The following MYT1L variants were observed in gnomAD, a reference collection of about 807,000 sequenced individuals.
The protein encoded by MYT1L is myelin transcription factor 1-like protein.
In MYT1L, 12 loss-of-function variants were observed where a neutral mutation model predicts 126.7. The observed-to-expected ratio is 0.09, with a 90% CI of 0.06 to 0.15. The LOEUF (loss-of-function observed/expected upper bound fraction) is 0.15, where lower values mean the gene tolerates loss of function less well. Ranked by LOEUF, MYT1L falls within the 10% of genes least tolerant of loss-of-function variation. The pLI, the probability that MYT1L is intolerant of heterozygous loss-of-function variation, is 1.00. For synonymous variants in MYT1L, 541 were observed against 604.2 expected (o/e 0.90, Z 1.53); for missense variants, 979 against 1,585.2 (o/e 0.62, Z 6.49).
At chr2:2,287,054 C>G (rs977289701) in intron 1 of MYT1L, among the ~76,000 whole-genome samples, 1 of 152,048 alleles carries the variant, frequency 6.6e-6, no homozygotes, top group Non-Finnish European at 1.5e-5. Flanking sequence ...GTCGGGAGTT[C>G]GAGACCAGTC....
intron 18 of MYT1L, among the ~76,000 whole-genome samples, chr2:1,872,416 A>G (rs2046386189): frequency 2.0e-5 from 3 of 152,240 alleles, no homozygotes; most frequent in Admixed American, 6.5e-5. Flanking sequence ...GAAAGTGGTG[A>G]GGACAGGGAG....
At chr2:2,214,118 A>C (rs1297334524) in intron 2 of MYT1L, among the ~76,000 whole-genome samples, 1 of 152,090 alleles carries the variant, frequency 6.6e-6, no homozygotes, top group East Asian at 1.9e-4. Flanking sequence ...AAGACATAAC[A>C]ATTGAAATTA....
At chr2:2,086,113 G>T (rs889516862) in intron 3 of MYT1L, among the ~76,000 whole-genome samples, 1 of 152,174 alleles carries the variant, frequency 6.6e-6, no homozygotes. Context: ...CTTATAACAT[G>T]CCTCTGTCTT....
chr2:1,801,720 G>A lies in MYT1L; in HGVS notation c.3252C>T (p.Ala1084=), dbSNP rs567650116. The stretch of plus-strand genomic sequence containing the variant: ...CCTGAGTTCTGAGTTTAATCATATC[G>A]GCTTCCATCTGGGAATTGGATTCAT... ...ELNESNSQME[A]DMIKLRTQIT... is the part of the protein sequence containing the mutation. The change falls in exon 23 of 25, where the codon GCC becomes GCT. Residue 1084 remains alanine (A), a synonymous_variant. Coordinates refer to ENST00000647738, the MANE Select transcript of MYT1L (RefSeq NM_001303052.2). The surrounding 1 kb of genome is among the most constrained non-coding windows in gnomAD (Gnocchi z 4.2). 1.9e-5 allele frequency: 31 copies of A among 1,610,562 alleles called. No homozygotes were observed. Among genetic ancestry groups the A allele is most frequent in the South Asian group, 1.7e-4 (15 of 89,988 alleles).
At chr2:2,071,148 G>GA (rs1352382628) in intron 3 of MYT1L, among the ~76,000 whole-genome samples, 1 of 152,142 alleles carries the variant, frequency 6.6e-6, no homozygotes, top group Non-Finnish European at 1.5e-5. Flanking sequence ...ATGTTAATAT[G>GA]TAATAAAGCC....
chr2:1,833,211 G>C (rs1296427997), intron 21 of MYT1L, among the ~76,000 whole-genome samples: 3 of 152,144 alleles, frequency 2.0e-5, no homozygotes, highest in Admixed American at 2.0e-4. Flanking sequence ...CCTTGCCCCA[G>C]TGCCCGCATC....
At chr2:1,915,170 G>T (rs1345111333) in intron 11 of MYT1L, among the ~76,000 whole-genome samples, 1 of 152,168 alleles carries the variant, frequency 6.6e-6, no homozygotes, top group Non-Finnish European at 1.5e-5. Context: ...ATGGAATTTA[G>T]TTGGACAGAA....
intron 5 of MYT1L, 148 bp downstream of exon 5, chr2:1,997,043 C>T (rs927350333): frequency 6.9e-5 from 10 of 144,214 alleles, no homozygotes; most frequent in Non-Finnish European, 1.1e-4. Flanking sequence ...CGAGTGTAGA[C>T]GGGCTGCCTT....
chr2:2,271,560 T>C (rs1020929724), intron 2 of MYT1L, among the ~76,000 whole-genome samples: 14 of 152,348 alleles, frequency 9.2e-5, no homozygotes, highest in Non-Finnish European at 7.3e-5. Context: ...TGAGGTCATC[T>C]GGTGGTTCTG....
chr2:2,118,523 T>C (rs2080524680), intron 3 of MYT1L, among the ~76,000 whole-genome samples: 1 of 152,174 alleles, frequency 6.6e-6, no homozygotes, highest in Admixed American at 6.5e-5. Context: ...AGCCATAAAA[T>C]CAATTACAAG....
chr2:2,242,380 A>C (rs1161751024), intron 2 of MYT1L, among the ~76,000 whole-genome samples: 1 of 152,212 alleles, frequency 6.6e-6, no homozygotes, highest in Non-Finnish European at 1.5e-5. Context: ...CCAGGGGCTT[A>C]GTATAAACTA....
At chr2:2,113,095 GAGA>G (rs2079693011) in intron 3 of MYT1L, among the ~76,000 whole-genome samples, 1 of 152,190 alleles carries the variant, frequency 6.6e-6, no homozygotes, top group Non-Finnish European at 1.5e-5. Flanking sequence ...TCCTGGCTGG[GAGA>G]AGAAGCAGAT....
At chr2:2,067,438 A>C (rs2150199157) in intron 3 of MYT1L, among the ~76,000 whole-genome samples, 1 of 152,304 alleles carries the variant, frequency 6.6e-6, no homozygotes, top group East Asian at 1.9e-4. Flanking sequence ...TAAGGAGTTA[A>C]ATATCAAAAA....
chr2:1,808,418 G>A (rs2036060631), intron 22 of MYT1L, among the ~76,000 whole-genome samples: 1 of 152,196 alleles, frequency 6.6e-6, no homozygotes, highest in Non-Finnish European at 1.5e-5. Flanking sequence ...AAAGCACTGA[G>A]ATCATTGCCT....
intron 3 of MYT1L, among the ~76,000 whole-genome samples, chr2:2,145,867 C>T (rs2084802774): frequency 6.6e-6 from 1 of 152,178 alleles, no homozygotes; most frequent in East Asian, 1.9e-4. Context: ...CAGAAAATGC[C>T]CATGCAAGCA....
intron 3 of MYT1L, among the ~76,000 whole-genome samples, chr2:2,140,461 G>A (rs1353907647): frequency 1.4e-4 from 17 of 124,560 alleles, no homozygotes; most frequent in African/African-American, 4.4e-4. Context: ...TTGAGACAGA[G>A]TATCACTCTG....
Position 1,979,909 on chromosome 2 carries a change from C to T in MYT1L, c.1-132G>A. 2 of 857,564 alleles carry T rather than the reference C, an allele frequency of 2.3e-6. No individual in the cohort carries two copies. The highest frequency in any genetic ancestry group is 5.2e-5 in the East Asian group (2 of 38,128). 53.1% of individuals were successfully genotyped at this position (857,564 alleles called of 1,614,324 possible). ...GTTTCCCTCCATGAAGGGAAGCCCT[C>T]TACAAGGGCAGGGGGTAAGACCAGG... On this transcript the variant is annotated intron_variant, in intron 5 of 24. Coordinates refer to ENST00000647738, the MANE Select transcript of MYT1L (RefSeq NM_001303052.2). This position sits in a 1 kb window ranked among gnomAD's most constrained non-coding sequence, Gnocchi z 4.0.
intron 18 of MYT1L, 195 bp downstream of exon 18, chr2:1,886,344 G>A: frequency 2.3e-6 from 1 of 425,842 alleles, no homozygotes; most frequent in Non-Finnish European, 4.1e-6. Context: ...GTATGTCAGG[G>A]GAAAAGGCAG....
At position 1,801,783 on chromosome 2, in the gene MYT1L, T is replaced by C. The variant is rs780471554; in HGVS notation, c.3189A>G (p.Glu1063=). The change falls in exon 23 of 25, where the codon GAA becomes GAG. Residue 1063 remains glutamate, a synonymous_variant. Transcript: ENST00000647738. This position sits in a 1 kb window ranked among gnomAD's most constrained non-coding sequence, Gnocchi z 4.2. Reference sequence around the variant, plus strand: ...TTTCTTCATCTAACTGTTTGATTTCTTCATCATTTTCTATACCTGTAATAA... The same window carrying C: ...TTTCTTCATCTAACTGTTTGATTTCCTCATCATTTTCTATACCTGTAATAA... ...QRASNGIEND[E]EIKQLDEEIK... is the part of the protein sequence containing the mutation. 1 of 1,600,664 alleles carries C rather than the reference T, an allele frequency of 6.2e-7. No individual in the cohort carries two copies. Among genetic ancestry groups the C allele is most frequent in the South Asian group, 1.1e-5 (1 of 89,978 alleles).
Sources: gnomAD v4.1 joint callset for allele counts (sites outside exome capture counted in the v4.1 genomes callset) on GRCh38, gnomAD v4.1.1 for gene constraint, Gnocchi (gnomAD v3.1) non-coding constraint, MANE v1.5 for transcripts, NCBI Gene and HGNC (gene_info 2026-07-23, HGNC 2026-07-21) for gene names.